Variants in CDYL2 observed in about 807,000 individuals in gnomAD.
CDYL2 encodes the protein chromodomain Y-like protein 2.
In CDYL2, 23 loss-of-function variants were observed where a neutral mutation model predicts 49.4. That is an observed-to-expected ratio of 0.47 (90% confidence interval 0.34 to 0.66). The LOEUF is 0.66. Ranked by LOEUF, CDYL2 falls within the 30% of genes least tolerant of loss-of-function variation. The probability of loss-of-function intolerance (pLI) is 0.01; values close to 1 mark genes in which losing one functional copy is unlikely to be tolerated. For synonymous variants in CDYL2, 360 were observed against 268.8 expected, an observed-to-expected ratio of 1.34 and a Z score of -3.32; for missense variants, 678 against 656.4, an observed-to-expected ratio of 1.03 and a Z score of -0.36.
At chr16:80,659,917 T>A (rs757192567) in intron 2 of CDYL2, among the ~76,000 whole-genome samples, 4 of 151,910 alleles carry the variant, frequency 2.6e-5, no homozygotes, top group African/African-American at 4.8e-5. Context: ...ATATTAATGA[T>A]AAACTGTAGA....
intron 1 of CDYL2, among the ~76,000 whole-genome samples, chr16:80,702,865 G>C (rs1032316983): frequency 4.6e-5 from 7 of 152,166 alleles, no homozygotes; most frequent in African/African-American, 1.7e-4. Flanking sequence ...GGCCATCTTG[G>C]ACTTTCCATC....
At chr16:80,758,599 G>C (rs12447294) in intron 1 of CDYL2, among the ~76,000 whole-genome samples, 3 of 142,778 alleles carry the variant, frequency 2.1e-5, no homozygotes, top group African/African-American at 7.9e-5. Flanking sequence ...CTGGAGGGCA[G>C]TGGCACGATC....
Position 80,626,275 on chromosome 16 carries a change from T to TAAAAAAAAAAAAAAAAAAAAA in CDYL2, c.835-5361_835-5341dup, listed in dbSNP as rs11358031. On this transcript the variant is annotated intron_variant, in intron 3 of 6. Transcript: ENST00000570137. ...CTCGGTGACAGAATGAAATCCCATC[T>TAAAAAAAAAAAAAAAAAAAAA]AAAAAAAAAAAAAAAAAAAAAGGAA... 2.2e-5 allele frequency among the ~76,000 whole-genome samples: 2 copies of TAAAAAAAAAAAAAAAAAAAAA among 92,294 alleles called. 1 individual carries two copies. Among genetic ancestry groups the TAAAAAAAAAAAAAAAAAAAAA allele is most frequent in the African/African-American group, 8.0e-5 (2 of 25,054 alleles). 60.5% of individuals were successfully genotyped at this position (92,294 alleles called of 152,430 possible).
At chr16:80,760,699 T>C (rs1906497681) in intron 1 of CDYL2, among the ~76,000 whole-genome samples, 2 of 152,022 alleles carry the variant, frequency 1.3e-5, no homozygotes, top group South Asian at 4.2e-4. Context: ...TCACCTACGC[T>C]TCTATTATTG....
intron 1 of CDYL2, among the ~76,000 whole-genome samples, chr16:80,691,419 C>A (rs1910409641): frequency 6.6e-6 from 1 of 152,150 alleles, no homozygotes; most frequent in Non-Finnish European, 1.5e-5. Context: ...CAAAACTACA[C>A]AAGGGAAATG....
Position 80,600,694 on chromosome 16 carries a change from A to T in CDYL2, c.*3694T>A, listed in dbSNP as rs1434245996. 1 of 152,188 alleles carries T rather than the reference A, an allele frequency of 6.6e-6. No homozygotes were observed. The highest frequency in any genetic ancestry group is 1.5e-5 in the Non-Finnish European group (1 of 68,032). 9.4% of individuals were successfully genotyped at this position (152,188 alleles called of 1,614,324 possible). A position where few individuals can be genotyped will look rare whatever the true frequency, so the allele number is the denominator to read the frequency against. ...GCATTTTAAATATTCACTTAGGAAG[A>T]TTTGAAGATGTTTCTATTTGTTTCT... On this transcript the variant is annotated 3_prime_UTR_variant, in exon 7 of 7. Transcript: ENST00000570137.
chr16:80,685,602 C>T (rs1415785019), intron 1 of CDYL2, among the ~76,000 whole-genome samples: 1 of 152,066 alleles, frequency 6.6e-6, no homozygotes, highest in Non-Finnish European at 1.5e-5. Flanking sequence ...ATAACAATAC[C>T]AATGATCATT....
intron 1 of CDYL2, among the ~76,000 whole-genome samples, chr16:80,748,608 G>C (rs193044845): frequency 6.7e-6 from 1 of 149,170 alleles, no homozygotes; most frequent in African/African-American, 2.5e-5. Context: ...TGGAAGACAG[G>C]GTTAATAAGA....
intron 5 of CDYL2, among the ~76,000 whole-genome samples, chr16:80,610,399 A>G (rs1906542756): frequency 6.6e-6 from 1 of 152,230 alleles, no homozygotes; most frequent in South Asian, 2.1e-4. Context: ...GATAAAATCA[A>G]GACATCAAAA....
At chr16:80,649,343 T>C (rs1908486566) in intron 2 of CDYL2, among the ~76,000 whole-genome samples, 1 of 152,016 alleles carries the variant, frequency 6.6e-6, no homozygotes, top group Non-Finnish European at 1.5e-5. Context: ...ATGCCAACAG[T>C]AAACAATCTG....
At chr16:80,671,845 T>G (rs1305300156) in intron 2 of CDYL2, among the ~76,000 whole-genome samples, 2 of 152,200 alleles carry the variant, frequency 1.3e-5, no homozygotes, top group Non-Finnish European at 2.9e-5. Context: ...TAATCCTGCC[T>G]CTGGGAATCT....
rs35826810 is a variant in CDYL2, at chr16:80,757,538, C to CA, written c.24+46611dup. Among the ~76,000 whole-genome samples the CA allele has an allele frequency of 2.9e-3, 282 of 98,268 alleles. 4 individuals are homozygous for CA. The East Asian group carries it at 0.035, about 12-fold the overall frequency. The allele number at this position is 98,268 out of a possible 152,430, so 64.5% of individuals were successfully genotyped here. ...TGAGTGACAGAGCAAGACTCTGTCT[C>CA]AAAAAAAAAAAAAAAATATATATAT... On this transcript the variant is annotated intron_variant, in intron 1 of 6. Coordinates refer to ENST00000570137, the MANE Select transcript of CDYL2 (RefSeq NM_152342.4).
chr16:80,799,789 T>C (rs773348537), intron 1 of CDYL2, among the ~76,000 whole-genome samples: 1 of 152,080 alleles, frequency 6.6e-6, no homozygotes, highest in Non-Finnish European at 1.5e-5. Flanking sequence ...TTTCAAGAGG[T>C]GGGAGAATCA....
intron 3 of CDYL2, among the ~76,000 whole-genome samples, chr16:80,625,498 C>T (rs1907261800): frequency 6.6e-6 from 1 of 152,180 alleles, no homozygotes; most frequent in South Asian, 2.1e-4. Flanking sequence ...TTAAATCCCC[C>T]TAGCCATGGA....
At chr16:80,737,285 G>C (rs1905569630) in intron 1 of CDYL2, among the ~76,000 whole-genome samples, 1 of 152,122 alleles carries the variant, frequency 6.6e-6, no homozygotes, top group Non-Finnish European at 1.5e-5. Context: ...TTCCTTTCTG[G>C]TATAGTGGCT....
intron 1 of CDYL2, among the ~76,000 whole-genome samples, chr16:80,686,017 C>T (rs1910175802): frequency 6.6e-6 from 1 of 152,210 alleles, no homozygotes; most frequent in African/African-American, 2.4e-5. Context: ...CCTCACATGT[C>T]CCTGTGGGTG....
chr16:80,800,538 A>G (rs531687695), intron 1 of CDYL2, among the ~76,000 whole-genome samples: 1 of 152,250 alleles, frequency 6.6e-6, no homozygotes, highest in African/African-American at 2.4e-5. Flanking sequence ...TGGGTTCCAC[A>G]TCTGTGGATT....
chr16:80,630,251 C>A (rs1907499573), intron 3 of CDYL2, among the ~76,000 whole-genome samples: 1 of 152,186 alleles, frequency 6.6e-6, no homozygotes, highest in African/African-American at 2.4e-5. Flanking sequence ...CTGATTAGGG[C>A]AGGAACCCCA....
In CDYL2 at chr16:80,600,984, A is replaced by C. The variant is rs968127991; in HGVS notation, c.*3404T>G. 1 of 152,236 alleles carries C rather than the reference A, an allele frequency of 6.6e-6. No homozygotes were observed. Among genetic ancestry groups the C allele is most frequent in the Admixed American group, 6.5e-5 (1 of 15,284 alleles). The allele number at this position is 152,236 out of a possible 1,614,324, so 9.4% of individuals were successfully genotyped here. ...TCATGCTTCAGAGAGAACATTTCCT[A>C]GTTTAATCTATACCAAACAAGAATG... On this transcript the variant is annotated 3_prime_UTR_variant, in exon 7 of 7. Coordinates refer to ENST00000570137, the MANE Select transcript of CDYL2 (RefSeq NM_152342.4).
Sources: gnomAD v4.1 joint callset for allele counts (sites outside exome capture counted in the v4.1 genomes callset) on GRCh38, gnomAD v4.1.1 for gene constraint, MANE v1.5 for transcripts, NCBI Gene and HGNC (gene_info 2026-07-23, HGNC 2026-07-21) for gene names.